The following SPMAP2L variants were observed in gnomAD, a reference collection of about 807,000 sequenced individuals.
The protein encoded by SPMAP2L is sperm microtubule associated protein 2-like.
At chr4:56,624,499 C>T in the SPMAP2L span, among the ~76,000 whole-genome samples, 4 of 152,174 alleles carry the variant, frequency 2.6e-5, no homozygotes, top group Non-Finnish European at 5.9e-5. Flanking sequence ...CATGGCAGCC[C>T]CTCCCATCAC....
chr4:56,548,552 G>A, the SPMAP2L span, among the ~76,000 whole-genome samples: 2 of 152,056 alleles, frequency 1.3e-5, no homozygotes, highest in Non-Finnish European at 2.9e-5. Flanking sequence ...AACTCTAGAA[G>A]ATTAAAATCC....
the SPMAP2L span, among the ~76,000 whole-genome samples, chr4:56,606,515 C>T: frequency 6.6e-6 from 1 of 152,026 alleles, no homozygotes; most frequent in African/African-American, 2.4e-5. Context: ...TCATTTTTCT[C>T]CTACTACCTG....
At chr4:56,592,312 G>A in the SPMAP2L span, among the ~76,000 whole-genome samples, 3 of 152,192 alleles carry the variant, frequency 2.0e-5, no homozygotes, top group South Asian at 2.1e-4. Context: ...GTTGGGGACC[G>A]CTGCTTTATA....
At chr4:56,547,304 G>A in the SPMAP2L span, among the ~76,000 whole-genome samples, 1 of 149,350 alleles carries the variant, frequency 6.7e-6, no homozygotes, top group Non-Finnish European at 1.5e-5. Flanking sequence ...GAAGTGCGGT[G>A]GTGCAATCTT....
chr4:56,609,890 T>C, the SPMAP2L span, among the ~76,000 whole-genome samples: 1 of 152,232 alleles, frequency 6.6e-6, no homozygotes, highest in African/African-American at 2.4e-5. Flanking sequence ...TTCTATCATT[T>C]GTGAATTATT....
the SPMAP2L span, among the ~76,000 whole-genome samples, chr4:56,567,528 G>T: frequency 7.0e-6 from 1 of 142,398 alleles, no homozygotes; most frequent in African/African-American, 2.6e-5. Context: ...GACCTCAAGT[G>T]ATCCGCCGCC....
the SPMAP2L span, among the ~76,000 whole-genome samples, chr4:56,584,198 C>T: frequency 1.3e-5 from 2 of 152,226 alleles, no homozygotes; most frequent in South Asian, 2.1e-4. Flanking sequence ...AACTCTAGGC[C>T]TCAAGCAATC....
At chr4:56,582,764 A>G in the SPMAP2L span, among the ~76,000 whole-genome samples, 1 of 152,208 alleles carries the variant, frequency 6.6e-6, no homozygotes, top group Non-Finnish European at 1.5e-5. Flanking sequence ...CTGGTACACA[A>G]ATATTCCTAG....
chr4:56,593,897 G>A, the SPMAP2L span: 2 of 1,609,892 alleles, frequency 1.2e-6, no homozygotes, highest in Non-Finnish European at 1.7e-6. Flanking sequence ...AGTACATAAT[G>A]CCACTTTGAT....
the SPMAP2L span, chr4:56,559,466 G>T: frequency 6.5e-7 from 1 of 1,533,146 alleles, no homozygotes. Context: ...CTGACCAAAA[G>T]ACTTGAGAAC....
the SPMAP2L span, among the ~76,000 whole-genome samples, chr4:56,602,122 A>G: frequency 6.6e-6 from 1 of 152,192 alleles, no homozygotes; most frequent in African/African-American, 2.4e-5. Flanking sequence ...ATTAACAAAG[A>G]AAAACATTGC....
At chr4:56,572,262 A>G in the SPMAP2L span, among the ~76,000 whole-genome samples, 1 of 152,236 alleles carries the variant, frequency 6.6e-6, no homozygotes, top group Non-Finnish European at 1.5e-5. Context: ...GCATAACCAT[A>G]AACATATGAG....
At chr4:56,574,722 T>C in the SPMAP2L span, among the ~76,000 whole-genome samples, 1 of 150,072 alleles carries the variant, frequency 6.7e-6, no homozygotes, top group Non-Finnish European at 1.5e-5. Context: ...GCTCATGCCT[T>C]TAATTCTAGC....
At chr4:56,550,006 A>C in the SPMAP2L span, among the ~76,000 whole-genome samples, 1 of 152,226 alleles carries the variant, frequency 6.6e-6, no homozygotes, top group Admixed American at 6.5e-5. Context: ...TGGTTCCTGT[A>C]GGTGAAAAGT....
chr4:56,589,851 T>G, the SPMAP2L span, among the ~76,000 whole-genome samples: 1 of 152,194 alleles, frequency 6.6e-6, no homozygotes, highest in African/African-American at 2.4e-5. Flanking sequence ...AGCTACTGAT[T>G]TGTATACATT....
chr4:56,541,137 A>T, the SPMAP2L span, among the ~76,000 whole-genome samples: 1 of 152,244 alleles, frequency 6.6e-6, no homozygotes, highest in Non-Finnish European at 1.5e-5. Context: ...TTGAGAGTCT[A>T]TATTTTAATA....
At chr4:56,600,370 T>C in the SPMAP2L span, among the ~76,000 whole-genome samples, 2 of 152,144 alleles carry the variant, frequency 1.3e-5, no homozygotes, top group African/African-American at 4.8e-5. Flanking sequence ...CTTGGCTCAC[T>C]GCAACCTCCG....
At chr4:56,534,828 C>A in the SPMAP2L span, among the ~76,000 whole-genome samples, 1 of 152,142 alleles carries the variant, frequency 6.6e-6, no homozygotes, top group Non-Finnish European at 1.5e-5. Flanking sequence ...ACTCGGGAGG[C>A]TAAGGCAGGA....
At chr4:56,559,919 C>A in the SPMAP2L span, among the ~76,000 whole-genome samples, 1 of 152,128 alleles carries the variant, frequency 6.6e-6, no homozygotes, top group African/African-American at 2.4e-5. Flanking sequence ...CTAAAAGCCA[C>A]AAATTGTTCA....
Sources: gnomAD v4.1 joint callset for allele counts (sites outside exome capture counted in the v4.1 genomes callset) on GRCh38, gnomAD v4.1.1 for gene constraint, MANE v1.5 for transcripts, NCBI Gene and HGNC (gene_info 2026-07-23, HGNC 2026-07-21) for gene names.